Variants in DPP6 observed in about 807,000 individuals in gnomAD.
The protein encoded by DPP6 is dipeptidyl peptidase like 6.
In DPP6, 69 loss-of-function variants were observed where a neutral mutation model predicts 122.6. That is an observed-to-expected ratio of 0.56 (90% CI 0.46 to 0.69). The LOEUF is 0.69. Ranked by LOEUF, DPP6 falls within the 30% of genes least tolerant of loss-of-function variation. DPP6 has a pLI of 0.00. For synonymous variants in DPP6, 418 were observed against 433.1 expected (o/e 0.97, Z 0.43); for missense variants, 928 against 1,116.9 (o/e 0.83, Z 2.41).
chr7:153,975,706 G>C (rs1796268042), intron 1 of DPP6, among the ~76,000 whole-genome samples: 1 of 152,108 alleles, frequency 6.6e-6, no homozygotes, highest in African/African-American at 2.4e-5. Flanking sequence ...TGGAAGTCAA[G>C]ATAATAGTTT....
the DPP6 span, among the ~76,000 whole-genome samples, chr7:153,805,953 TAACA>T: frequency 3.3e-5 from 5 of 151,790 alleles, no homozygotes; most frequent in Non-Finnish European, 5.9e-5. Flanking sequence ...TATGCATATG[TAACA>T]AACCTGCATG....
At chr7:154,059,861 C>G (rs1192083779) in intron 1 of DPP6, among the ~76,000 whole-genome samples, 2 of 151,128 alleles carry the variant, frequency 1.3e-5, no homozygotes, top group Non-Finnish European at 2.9e-5. Context: ...AGGATGGCCC[C>G]CCTATTTGAC....
At chr7:154,075,172 A>G (rs540318280) in intron 1 of DPP6, among the ~76,000 whole-genome samples, 10 of 152,052 alleles carry the variant, frequency 6.6e-5, no homozygotes, top group Admixed American at 5.2e-4. Flanking sequence ...TGGCATGGAT[A>G]TGGTGAAAAG....
At chr7:154,357,643 T>A (rs1322252421) in intron 1 of DPP6, among the ~76,000 whole-genome samples, 1 of 152,176 alleles carries the variant, frequency 6.6e-6, no homozygotes, top group East Asian at 1.9e-4. Flanking sequence ...CAAAGCACTT[T>A]TAGCAAAGAT....
chr7:154,653,081 C>T (rs570042564), intron 6 of DPP6, among the ~76,000 whole-genome samples: 3 of 152,336 alleles, frequency 2.0e-5, no homozygotes, highest in African/African-American at 7.2e-5. Context: ...AAGATTTCCT[C>T]TTGGCAACAT....
intron 1 of DPP6, among the ~76,000 whole-genome samples, chr7:154,299,007 G>A (rs894951049): frequency 6.6e-6 from 1 of 152,202 alleles, no homozygotes; most frequent in Non-Finnish European, 1.5e-5. Flanking sequence ...ATTCCCCAGG[G>A]TTAGATTACT....
intron 3 of DPP6, among the ~76,000 whole-genome samples, chr7:154,537,008 C>A (rs928166320): frequency 3.3e-5 from 5 of 151,962 alleles, no homozygotes; most frequent in African/African-American, 9.7e-5. Flanking sequence ...ATTACTATGA[C>A]CATGTAATGG....
chr7:154,797,046 G>A (rs568123324), intron 12 of DPP6, among the ~76,000 whole-genome samples: 8 of 152,268 alleles, frequency 5.3e-5, no homozygotes, highest in Admixed American at 5.2e-4. Flanking sequence ...ATGCCACCTG[G>A]ACCAAACATA....
chr7:154,583,400 T>A (rs972770234), intron 5 of DPP6, among the ~76,000 whole-genome samples: 1 of 152,198 alleles, frequency 6.6e-6, no homozygotes, highest in South Asian at 2.1e-4. Flanking sequence ...AGTCCTTGGT[T>A]CCACAGGCCC....
chr7:154,132,157 G>A (rs1279587026), intron 1 of DPP6, among the ~76,000 whole-genome samples: 9 of 152,118 alleles, frequency 5.9e-5, no homozygotes, highest in Admixed American at 2.0e-4. Flanking sequence ...ACAGAAACCA[G>A]TGAACTCAAA....
At chr7:154,176,381 T>C (rs984529384) in intron 1 of DPP6, among the ~76,000 whole-genome samples, 17 of 152,192 alleles carry the variant, frequency 1.1e-4, no homozygotes, top group Admixed American at 9.8e-4. Flanking sequence ...TGCTCCAGTG[T>C]TTTTTAAACA....
At chr7:154,834,516 G>A (rs1303308108) in intron 16 of DPP6, among the ~76,000 whole-genome samples, 1 of 151,668 alleles carries the variant, frequency 6.6e-6, no homozygotes, top group Non-Finnish European at 1.5e-5. Flanking sequence ...AAAAAAACCA[G>A]CTCCCATTTA....
chr7:153,887,844 C>A, intron 1 of DPP6: 1 of 1,228,356 alleles, frequency 8.1e-7, no homozygotes, highest in Non-Finnish European at 1.1e-6. Context: ...AGGACAGCGA[C>A]CCCATGCCCG....
At chr7:153,909,427 A>G (rs1206105666) in intron 1 of DPP6, among the ~76,000 whole-genome samples, 2 of 118,120 alleles carry the variant, frequency 1.7e-5, no homozygotes, top group African/African-American at 5.7e-5. Context: ...TTTTACATTT[A>G]TCTATCTTAA....
At chr7:154,155,761 C>T (rs867687119) in intron 1 of DPP6, among the ~76,000 whole-genome samples, 17 of 152,214 alleles carry the variant, frequency 1.1e-4, no homozygotes, top group African/African-American at 1.9e-4. Flanking sequence ...TTCTCTCAGA[C>T]GGCTGGCCCT....
At chr7:154,408,050 G>T (rs1816270733) in intron 1 of DPP6, among the ~76,000 whole-genome samples, 1 of 152,206 alleles carries the variant, frequency 6.6e-6, no homozygotes. Context: ...AGAGGTATTT[G>T]CTGTTGTTGT....
upstream of DPP6, among the ~76,000 whole-genome samples, chr7:153,885,123 G>A (rs933820710): frequency 7.5e-6 from 1 of 133,868 alleles, no homozygotes; most frequent in African/African-American, 2.9e-5. Context: ...GTGGGAAAGA[G>A]AGGGAGGAAA....
intron 3 of DPP6, among the ~76,000 whole-genome samples, chr7:154,531,870 A>G (rs918573159): frequency 2.6e-5 from 4 of 152,128 alleles, no homozygotes; most frequent in African/African-American, 4.8e-5. Context: ...GGTATATATT[A>G]TAACTTCTAA....
chr7:154,391,159 T>C (rs547422333), intron 1 of DPP6, among the ~76,000 whole-genome samples: 20 of 152,192 alleles, frequency 1.3e-4, no homozygotes, highest in Non-Finnish European at 2.6e-4. Flanking sequence ...ATGCCCTTGA[T>C]TCATACACAG....
Sources: gnomAD v4.1 joint callset for allele counts (sites outside exome capture counted in the v4.1 genomes callset) on GRCh38, gnomAD v4.1.1 for gene constraint, MANE v1.5 for transcripts, NCBI Gene and HGNC (gene_info 2026-07-23, HGNC 2026-07-21) for gene names.